Variants in AGPAT4 observed in about 807,000 individuals in gnomAD.
The protein encoded by AGPAT4 is 1-acyl-sn-glycerol-3-phosphate acyltransferase delta.
A neutral mutation model predicts 48.0 loss-of-function variants in AGPAT4; 15 were observed. That is an observed-to-expected ratio of 0.31 (90% CI 0.21 to 0.48). The LOEUF is 0.48. Ranked by LOEUF, AGPAT4 falls within the 20% of genes least tolerant of loss-of-function variation. The pLI is 0.99. For missense variants in AGPAT4, 314 were observed against 482.5 expected (o/e 0.65, Z 3.27); for synonymous variants, 178 against 198.7 (o/e 0.90, Z 0.88).
chr6:161,210,280 T>C (rs573626091), intron 2 of AGPAT4, among the ~76,000 whole-genome samples: 18 of 152,360 alleles, frequency 1.2e-4, no homozygotes, highest in African/African-American at 4.1e-4. Flanking sequence ...TACTTTATAA[T>C]GTAAATTTTG....
In AGPAT4 at chr6:161,222,993, T is replaced by A. The variant is rs1487875026; in HGVS notation, c.178+9043A>T. On this transcript the variant is annotated intron_variant, in intron 2 of 8. Coordinates refer to ENST00000320285, the MANE Select transcript of AGPAT4 (RefSeq NM_020133.3). This position sits in a 1 kb window ranked among gnomAD's most constrained non-coding sequence, Gnocchi z 5.9. ...GCCAACATCTCACAATTCCCCTCAT[T>A]CCTCAGCACCTGGCTTGTGATGCTG... Among the ~76,000 whole-genome samples, 1 of 152,182 alleles carries A rather than the reference T, an allele frequency of 6.6e-6. No individual in the cohort carries two copies. Among genetic ancestry groups the A allele is most frequent in the African/African-American group, 2.4e-5 (1 of 41,438 alleles).
At position 161,135,668 on chromosome 6, in the gene AGPAT4, G is replaced by A. The variant is rs1779040950; in HGVS notation, c.*872C>T. On this transcript the variant is annotated 3_prime_UTR_variant, in exon 9 of 9. Transcript: ENST00000320285. ...GTGACTTTGGCTGTCACTGCTGAGA[G>A]GAACAGTCGATGCAAGCTCATCTCA... is the stretch of plus-strand genomic sequence containing the variant. 1 of 152,132 alleles carries A rather than the reference G, an allele frequency of 6.6e-6. No homozygotes were observed. Among genetic ancestry groups the A allele is most frequent in the Non-Finnish European group, 1.5e-5 (1 of 68,044 alleles). The allele number at this position is 152,132 out of a possible 1,614,324, so 9.4% of individuals were successfully genotyped here.
In AGPAT4 at chr6:161,132,313, T is replaced by C. The variant is rs1778926932; in HGVS notation, c.*4227A>G. 1 of 152,218 alleles carries C rather than the reference T, an allele frequency of 6.6e-6. No individual in the cohort carries two copies. Among genetic ancestry groups the C allele is most frequent in the Admixed American group, 6.5e-5 (1 of 15,286 alleles). 9.4% of individuals were successfully genotyped at this position (152,218 alleles called of 1,614,324 possible). A position where few individuals can be genotyped will look rare whatever the true frequency, so the allele number is the denominator to read the frequency against. On this transcript the variant is annotated 3_prime_UTR_variant, in exon 9 of 9. Transcript: ENST00000320285. ...TCCACACAGCCACCATATCCTTATATAGATGGGGAAAAATCCAGAAAAGGG... is the reference window on the plus strand; with the variant it reads ...TCCACACAGCCACCATATCCTTATACAGATGGGGAAAAATCCAGAAAAGGG...
chr6:161,188,097 T>C (rs1409283118), intron 2 of AGPAT4, among the ~76,000 whole-genome samples: 1 of 152,216 alleles, frequency 6.6e-6, no homozygotes, highest in East Asian at 1.9e-4. Flanking sequence ...TAAAATGCTA[T>C]ATATGTACTT....
At chr6:161,210,513 T>C (rs1033224324) in intron 2 of AGPAT4, among the ~76,000 whole-genome samples, 1 of 152,202 alleles carries the variant, frequency 6.6e-6, no homozygotes, top group Non-Finnish European at 1.5e-5. Flanking sequence ...ACTGAAAATA[T>C]ATAAAGAGTT....
At position 161,204,191 on chromosome 6, in the gene AGPAT4, A is replaced by G. The variant is rs1781317002; in HGVS notation, c.178+27845T>C. On this transcript the variant is annotated intron_variant, in intron 2 of 8. Transcript: ENST00000320285. The surrounding 1 kb of genome is among the most constrained non-coding windows in gnomAD (Gnocchi z 4.4). ...ATTTAGAGAAGATGAATGCATTTAA[A>G]CTTCTCATTAGTAAGTGTACATAAA... Among the ~76,000 whole-genome samples, 2 of 152,200 alleles carry G rather than the reference A, an allele frequency of 1.3e-5. No individual in the cohort carries two copies. Among genetic ancestry groups the G allele is most frequent in the Non-Finnish European group, 1.5e-5 (1 of 68,046 alleles).
rs1332474112 is a variant in AGPAT4, at chr6:161,166,874, G to C, written c.179-457C>G. Among the ~76,000 whole-genome samples the C allele has an allele frequency of 6.6e-6, 1 of 152,148 alleles. No homozygotes were observed. The highest frequency in any genetic ancestry group is 1.5e-5 in the Non-Finnish European group (1 of 68,024). ...TCCCATTTCTGACACTTGAGGGCAGGGGAAGAATGGAGAACGGCAGATCCA... is the reference window on the plus strand; with the variant it reads ...TCCCATTTCTGACACTTGAGGGCAGCGGAAGAATGGAGAACGGCAGATCCA... On this transcript the variant is annotated intron_variant, in intron 2 of 8. Coordinates refer to ENST00000320285, the MANE Select transcript of AGPAT4 (RefSeq NM_020133.3). The surrounding 1 kb of genome is among the most constrained non-coding windows in gnomAD (Gnocchi z 6.7).
chr6:161,271,692 T>C (rs1479707553), intron 1 of AGPAT4, among the ~76,000 whole-genome samples: 1 of 152,194 alleles, frequency 6.6e-6, no homozygotes, highest in Admixed American at 6.5e-5. Flanking sequence ...TGGGTTTGGG[T>C]TTTTTGTTGT....
rs59176657 is a variant in AGPAT4, at chr6:161,210,700, C to T, written c.178+21336G>A. 5.2e-3 allele frequency among the ~76,000 whole-genome samples: 790 copies of T among 152,262 alleles called. 5 individuals carry two copies. The highest frequency in any genetic ancestry group is 0.018 in the African/African-American group (766 of 41,566). ...TTAGAAATGTCTTAAAAATTGCCAG[C>T]ATATATTTTTGTTTGCATTTATTAA... On this transcript the variant is annotated intron_variant, in intron 2 of 8. Transcript: ENST00000320285.
At chr6:161,187,707 AT>A (rs938626887) in intron 2 of AGPAT4, among the ~76,000 whole-genome samples, 1 of 151,434 alleles carries the variant, frequency 6.6e-6, no homozygotes, top group African/African-American at 2.4e-5. Context: ...CACCCAGCTA[AT>A]TTTTTTTGTA....
At chr6:161,160,708 A>C (rs1227574796) in intron 3 of AGPAT4, 1 of 327,666 alleles carries the variant, frequency 3.1e-6, no homozygotes, top group Non-Finnish European at 6.0e-6. Flanking sequence ...GTCAGGACAC[A>C]AAGATGGGAG....
At chr6:161,174,732 A>T (rs567953318) in intron 2 of AGPAT4, among the ~76,000 whole-genome samples, 2 of 152,308 alleles carry the variant, frequency 1.3e-5, no homozygotes, top group East Asian at 3.9e-4. Flanking sequence ...GCCAGTTTTC[A>T]AAGGGAATGC....
At position 161,249,152 on chromosome 6, in the gene AGPAT4, T is replaced by C. The variant is rs184333669; in HGVS notation, c.-89-16850A>G. ...AACTGGACACCTTCCTTATGCCATA[T>C]ACAAAAATTAACCCAAGATGGACTA... On this transcript the variant is annotated intron_variant, in intron 1 of 8. Transcript: ENST00000320285. The surrounding 1 kb of genome is among the most constrained non-coding windows in gnomAD (Gnocchi z 6.2). Among the ~76,000 whole-genome samples, 9 of 152,334 alleles carry C rather than the reference T, an allele frequency of 5.9e-5. No individual in the cohort carries two copies. The highest frequency in any genetic ancestry group is 1.9e-4 in the East Asian group (1 of 5,194).
chr6:161,263,265 T>C (rs980284685), intron 1 of AGPAT4, among the ~76,000 whole-genome samples: 3 of 152,032 alleles, frequency 2.0e-5, no homozygotes, highest in African/African-American at 7.2e-5. Flanking sequence ...AACAACAGGC[T>C]GGGCGCAGTA....
In AGPAT4 at chr6:161,244,115, C is replaced by T. The variant is rs1782579863; in HGVS notation, c.-89-11813G>A. Among the ~76,000 whole-genome samples, 1 of 152,240 alleles carries T rather than the reference C, an allele frequency of 6.6e-6. No individual in the cohort carries two copies. Among genetic ancestry groups the T allele is most frequent in the Non-Finnish European group, 1.5e-5 (1 of 68,044 alleles). The stretch of plus-strand genomic sequence containing the variant: ...CTGGTATTGAGAAGACCAAGACCCT[C>T]ATCACTTTGGTGCTCTCTGAATGTA... On this transcript the variant is annotated intron_variant, in intron 1 of 8. Transcript: ENST00000320285. This position sits in a 1 kb window ranked among gnomAD's most constrained non-coding sequence, Gnocchi z 4.7.
chr6:161,131,065 C>A lies in AGPAT4; in HGVS notation c.*5475G>T. The A allele has an allele frequency of 6.6e-6, 2 of 302,058 alleles. No homozygotes were observed. The highest frequency in any genetic ancestry group is 7.8e-5 in the East Asian group (1 of 12,742). The allele number at this position is 302,058 out of a possible 1,614,324, so 18.7% of individuals were successfully genotyped here. A position where few individuals can be genotyped will look rare whatever the true frequency, so the allele number is the denominator to read the frequency against. Reference sequence around the variant, plus strand: ...TTAACTTTGTGTACATACCACTCACCTCCCTTAAAATTCAGCAGAACCAGA... The same window carrying A: ...TTAACTTTGTGTACATACCACTCACATCCCTTAAAATTCAGCAGAACCAGA... On this transcript the variant is annotated 3_prime_UTR_variant, in exon 9 of 9. Transcript: ENST00000320285.
intron 2 of AGPAT4, among the ~76,000 whole-genome samples, chr6:161,192,831 G>A (rs1447781897): frequency 1.3e-5 from 2 of 152,158 alleles, no homozygotes; most frequent in Admixed American, 1.3e-4. Flanking sequence ...TTAAAGATAC[G>A]ATTGCATCAT....
At position 161,142,804 on chromosome 6, in the gene AGPAT4, A is replaced by G. The variant is rs905934566; in HGVS notation, c.844-3184T>C. Among the ~76,000 whole-genome samples, 5 of 152,332 alleles carry G rather than the reference A, an allele frequency of 3.3e-5. No homozygotes were observed. The highest frequency in any genetic ancestry group is 2.6e-4 in the Admixed American group (4 of 15,302). The stretch of plus-strand genomic sequence containing the variant: ...CAAGCCTTGGTCTCAGCCCGCAGAC[A>G]CCACCCGAGTGCACGGCCAGGACTT... On this transcript the variant is annotated intron_variant, in intron 7 of 8. Coordinates refer to ENST00000320285, the MANE Select transcript of AGPAT4 (RefSeq NM_020133.3). The surrounding 1 kb of genome is among the most constrained non-coding windows in gnomAD (Gnocchi z 6.4).
rs139828428 is a variant in AGPAT4, at chr6:161,142,020, G to T, written c.844-2400C>A. On this transcript the variant is annotated intron_variant, in intron 7 of 8. Transcript: ENST00000320285. The surrounding 1 kb of genome is among the most constrained non-coding windows in gnomAD (Gnocchi z 6.4). ...TGGGATTACAGGCACCTGCCATCAT[G>T]CCCAGCTAATTTTTGTAGAGATAGG... Among the ~76,000 whole-genome samples the T allele has an allele frequency of 1.3e-5, 2 of 152,150 alleles. No homozygotes were observed. Among genetic ancestry groups the T allele is most frequent in the East Asian group, 3.9e-4 (2 of 5,186 alleles).
Sources: gnomAD v4.1 joint callset for allele counts (sites outside exome capture counted in the v4.1 genomes callset) on GRCh38, gnomAD v4.1.1 for gene constraint, Gnocchi (gnomAD v3.1) non-coding constraint, MANE v1.5 for transcripts, NCBI Gene and HGNC (gene_info 2026-07-23, HGNC 2026-07-21) for gene names.